Variants in CNTN5 observed in about 807,000 individuals in gnomAD.
CNTN5 encodes the protein contactin 5.
Under a neutral mutation model 129.1 loss-of-function variants are expected in CNTN5, and 77 were observed. The ratio of observed to expected loss-of-function variants is 0.60; its 90% CI spans 0.50 to 0.72. The LOEUF is 0.72. Ranked by LOEUF, CNTN5 falls within the 30% of genes least tolerant of loss-of-function variation. The pLI is 0.00. For synonymous variants in CNTN5, 509 were observed against 465.6 expected, an observed-to-expected ratio of 1.09 and a Z score of -1.20; for missense variants, 1,478 against 1,328.8, an observed-to-expected ratio of 1.11 and a Z score of -1.75.
chr11:100,051,442 C>G (rs1042305094), intron 9 of CNTN5, among the ~76,000 whole-genome samples: 6 of 151,764 alleles, frequency 4.0e-5, no homozygotes, highest in Admixed American at 6.6e-5. Context: ...ATATTTTTAA[C>G]TGAATAATAA....
chr11:99,912,645 GTT>G (rs11424813), intron 6 of CNTN5, among the ~76,000 whole-genome samples: 19 of 142,212 alleles, frequency 1.3e-4, no homozygotes, highest in South Asian at 4.4e-4. Flanking sequence ...GTTTTTCATA[GTT>G]TTTTTTTTTT....
At chr11:99,870,251 T>A (rs1451687291) in intron 6 of CNTN5, among the ~76,000 whole-genome samples, 1 of 152,130 alleles carries the variant, frequency 6.6e-6, no homozygotes, top group African/African-American at 2.4e-5. Flanking sequence ...TACCTCCAGG[T>A]TGATAATTCT....
intron 6 of CNTN5, among the ~76,000 whole-genome samples, chr11:99,886,116 A>T (rs1358338737): frequency 6.6e-6 from 1 of 152,100 alleles, no homozygotes; most frequent in Non-Finnish European, 1.5e-5. Flanking sequence ...TCAAAACTAT[A>T]AAACATTTAG....
intron 3 of CNTN5, among the ~76,000 whole-genome samples, chr11:99,655,969 CAT>C (rs1478239308): frequency 6.6e-6 from 1 of 151,948 alleles, no homozygotes; most frequent in Non-Finnish European, 1.5e-5. Context: ...TATATATACA[CAT>C]ATATGCATGT....
chr11:100,355,045 A>G (rs1278487435), intron 24 of CNTN5, among the ~76,000 whole-genome samples: 1 of 151,426 alleles, frequency 6.6e-6, no homozygotes, highest in Admixed American at 6.6e-5. Flanking sequence ...TATAAAAACA[A>G]TTTTTTCTCT....
rs559547708 is a variant in CNTN5, at chr11:99,403,596, T to A, written c.-71+78112T>A. Among the ~76,000 whole-genome samples, 3 of 152,284 alleles carry A rather than the reference T, an allele frequency of 2.0e-5. No homozygotes were observed. The East Asian group carries it at 5.8e-4, about 29-fold the overall frequency. On this transcript the variant is annotated intron_variant, in intron 2 of 24. Transcript: ENST00000524871. ...TCAAAAAATTTTTCAATTTTCTCCTTAATTTCTTTATGGACCCACTAGTCG... is the reference window on the plus strand; with the variant it reads ...TCAAAAAATTTTTCAATTTTCTCCTAAATTTCTTTATGGACCCACTAGTCG...
At chr11:99,422,666 G>T (rs1463393317) in intron 2 of CNTN5, among the ~76,000 whole-genome samples, 1 of 151,138 alleles carries the variant, frequency 6.6e-6, no homozygotes, top group Non-Finnish European at 1.5e-5. Context: ...AATAGAGAGG[G>T]TTTTTTATTA....
At chr11:99,440,995 A>C in intron 2 of CNTN5, among the ~76,000 whole-genome samples, 3 of 152,246 alleles carry the variant, frequency 2.0e-5, no homozygotes, top group East Asian at 3.9e-4. Flanking sequence ...TATTATTAAC[A>C]TTATTTAGAG....
At chr11:100,270,385 G>A (rs551186352) in intron 17 of CNTN5, among the ~76,000 whole-genome samples, 2 of 152,322 alleles carry the variant, frequency 1.3e-5, no homozygotes, top group Admixed American at 6.5e-5. Flanking sequence ...TTTGCATGCT[G>A]TAAGGGAGAT....
intron 18 of CNTN5, among the ~76,000 whole-genome samples, chr11:100,291,789 A>AT (rs1477123710): frequency 1.6e-3 from 82 of 52,444 alleles, no homozygotes; most frequent in African/African-American, 3.2e-3. Context: ...AAATAAATAA[A>AT]AAATATAAAT....
At chr11:99,656,570 C>G (rs370111281) in intron 3 of CNTN5, among the ~76,000 whole-genome samples, 22 of 152,236 alleles carry the variant, frequency 1.4e-4, no homozygotes, top group African/African-American at 4.8e-4. Flanking sequence ...TGGACCCATG[C>G]ACTAGTTAAT....
rs185632686 is a variant in CNTN5 at position 100,273,353 on chromosome 11, G to C, written c.2314+2112G>C. 2.8e-3 allele frequency among the ~76,000 whole-genome samples: 421 copies of C among 152,194 alleles called. 10 individuals are homozygous for C. Among genetic ancestry groups the C allele is most frequent in the Admixed American group, 0.024 (373 of 15,284 alleles). ...TGGGCGTGTCTGCTTAGGGGTAGGGGTGGGGATTTGGGTTTGCTTTCCTTG... is the reference window on the plus strand; with the variant it reads ...TGGGCGTGTCTGCTTAGGGGTAGGGCTGGGGATTTGGGTTTGCTTTCCTTG... On this transcript the variant is annotated intron_variant, in intron 18 of 24. Coordinates refer to ENST00000524871, the MANE Select transcript of CNTN5 (RefSeq NM_014361.4).
At chr11:99,893,537 A>T (rs1234504633) in intron 6 of CNTN5, among the ~76,000 whole-genome samples, 2 of 152,222 alleles carry the variant, frequency 1.3e-5, no homozygotes, top group African/African-American at 4.8e-5. Context: ...AGACACAGAA[A>T]GCACAATAAT....
intron 3 of CNTN5, among the ~76,000 whole-genome samples, chr11:99,694,766 A>G (rs1035969370): frequency 1.3e-5 from 2 of 152,072 alleles, no homozygotes; most frequent in Non-Finnish European, 2.9e-5. Context: ...GAGTGAGAAC[A>G]TGCGGTGTTT....
At chr11:99,865,053 AAAC>A (rs1565618767) in intron 6 of CNTN5, among the ~76,000 whole-genome samples, 1 of 152,230 alleles carries the variant, frequency 6.6e-6, no homozygotes, top group African/African-American at 2.4e-5. Flanking sequence ...AATATTAACA[AAAC>A]ACCTATTTTG....
intron 8 of CNTN5, among the ~76,000 whole-genome samples, chr11:99,990,459 C>T (rs28558844): frequency 0.088 from 11,404 of 129,842 alleles, 786 homozygotes; most frequent in East Asian, 0.34. Context: ...TATATATACA[C>T]ACACACACAC....
At chr11:99,837,029 C>A (rs1457952059) in intron 4 of CNTN5, among the ~76,000 whole-genome samples, 2 of 152,032 alleles carry the variant, frequency 1.3e-5, no homozygotes, top group Non-Finnish European at 2.9e-5. Context: ...TTTACTTTAG[C>A]CTGTTTTATC....
chr11:100,282,239 C>A (rs1950656939), intron 18 of CNTN5, among the ~76,000 whole-genome samples: 1 of 152,124 alleles, frequency 6.6e-6, no homozygotes, highest in African/African-American at 2.4e-5. Flanking sequence ...CTTTCGTGGG[C>A]AGGCTTTTCC....
chr11:99,846,387 T>C (rs1591302436), intron 6 of CNTN5, among the ~76,000 whole-genome samples: 1 of 147,634 alleles, frequency 6.8e-6, no homozygotes, highest in Non-Finnish European at 1.5e-5. Context: ...AAAAGAAGTG[T>C]GTATATATAA....
Sources: allele counts gnomAD v4.1 joint callset (sites outside exome capture counted in the v4.1 genomes callset), GRCh38; gene constraint gnomAD v4.1.1; transcripts MANE v1.5; gene names NCBI Gene and HGNC (gene_info 2026-07-23, HGNC 2026-07-21).